Variants in ADGB observed in about 807,000 individuals in gnomAD.
The protein encoded by ADGB is calpain-7-like protein.
In ADGB, 172 loss-of-function variants were observed where a neutral mutation model predicts 210.5. The observed-to-expected ratio is 0.82, with a 90% CI of 0.72 to 0.93. The LOEUF is 0.93. Ranked by LOEUF, ADGB falls within the 40% of genes least tolerant of loss-of-function variation. ADGB has a pLI of 0.00. For missense variants in ADGB, 2,025 were observed against 1,964.8 expected (o/e 1.03, Z -0.58); for synonymous variants, 658 against 662.7 (o/e 0.99, Z 0.11).
chr6:146,690,621 T>C lies in ADGB; in HGVS notation c.1312-495T>C, dbSNP rs1034558932. ...CCTTGATTGTAATCATGTGTAATCA[T>C]GGGGATCTTATGTGGAGGAACACAT... is the stretch of plus-strand genomic sequence containing the variant. On this transcript the variant is annotated intron_variant, in intron 10 of 35. Coordinates refer to ENST00000397944, the MANE Select transcript of ADGB (RefSeq NM_024694.4). Among the ~76,000 whole-genome samples, 3 of 152,278 alleles carry C rather than the reference T, an allele frequency of 2.0e-5. No individual in the cohort carries two copies. The East Asian group carries it at 5.8e-4, about 29-fold the overall frequency.
intron 1 of ADGB, among the ~76,000 whole-genome samples, chr6:146,599,731 T>C (rs1406537534): frequency 6.6e-6 from 1 of 152,214 alleles, no homozygotes; most frequent in African/African-American, 2.4e-5. Context: ...TGTTAGGTGT[T>C]GTGTCTTAGG....
intron 25 of ADGB, among the ~76,000 whole-genome samples, chr6:146,745,348 T>G (rs147670311): frequency 5.8e-4 from 88 of 152,272 alleles, no homozygotes; most frequent in Admixed American, 2.2e-3. Flanking sequence ...ACCAAGCTCT[T>G]CCCCATCATA....
At chr6:146,702,378 A>G (rs539771513) in intron 13 of ADGB, among the ~76,000 whole-genome samples, 1 of 151,912 alleles carries the variant, frequency 6.6e-6, no homozygotes, top group Admixed American at 6.6e-5. Flanking sequence ...GTATTGACAT[A>G]TTAACCCATA....
intron 23 of ADGB, among the ~76,000 whole-genome samples, chr6:146,738,237 T>C (rs1217180176): frequency 6.6e-6 from 1 of 152,114 alleles, no homozygotes; most frequent in African/African-American, 2.4e-5. Flanking sequence ...ATGCCACATA[T>C]TGAATTATTA....
Position 146,628,679 on chromosome 6 carries a change from G to A in ADGB, c.75-6696G>A, listed in dbSNP as rs145604664. ...TCTCGTATGCTGTTCTTTTCTCCTA[G>A]TGATGCCCTTTCTTCCTTTTTTAAC... On this transcript the variant is annotated intron_variant, in intron 1 of 35. Transcript: ENST00000397944. 2.0e-4 allele frequency among the ~76,000 whole-genome samples: 31 copies of A among 151,684 alleles called. No individual in the cohort carries two copies. The South Asian group carries it at 2.1e-3, about 10-fold the overall frequency.
intron 1 of ADGB, among the ~76,000 whole-genome samples, chr6:146,600,088 A>G (rs1412393661): frequency 6.6e-6 from 1 of 152,060 alleles, no homozygotes; most frequent in Non-Finnish European, 1.5e-5. Context: ...CTTCTCCCAG[A>G]CTCATTCCCA....
chr6:146,770,227 A>G (rs9485121), intron 29 of ADGB, among the ~76,000 whole-genome samples: 27 of 152,268 alleles, frequency 1.8e-4, no homozygotes, highest in African/African-American at 5.5e-4. Flanking sequence ...GCTTGCTTCT[A>G]TTATCTGCCT....
intron 35 of ADGB, chr6:146,803,808 T>A: frequency 2.1e-6 from 1 of 480,448 alleles, no homozygotes; most frequent in Admixed American, 3.8e-5. Flanking sequence ...CCTCGGCTTC[T>A]GGGCCGAGTC....
At chr6:146,704,209 C>T (rs1776534760) in intron 13 of ADGB, among the ~76,000 whole-genome samples, 4 of 151,720 alleles carry the variant, frequency 2.6e-5, no homozygotes, top group Admixed American at 2.6e-4. Context: ...TGAATATTAA[C>T]CTCTTATCAG....
intron 27 of ADGB, among the ~76,000 whole-genome samples, chr6:146,757,102 C>G (rs1475905142): frequency 6.6e-6 from 1 of 151,970 alleles, no homozygotes; most frequent in Admixed American, 6.6e-5. Context: ...AAAGAAAACT[C>G]TTTGTATTAT....
chr6:146,614,194 TC>T (rs1780752916), intron 1 of ADGB, among the ~76,000 whole-genome samples: 8 of 90,190 alleles, frequency 8.9e-5, no homozygotes, highest in South Asian at 4.6e-4. Flanking sequence ...CCTCCCTCCC[TC>T]CCTCCCTTCC....
chr6:146,681,961 A>G (rs1017345861), intron 9 of ADGB, among the ~76,000 whole-genome samples: 3 of 152,144 alleles, frequency 2.0e-5, no homozygotes, highest in African/African-American at 7.2e-5. Context: ...ACTTGCCTGA[A>G]AAATACTGTT....
chr6:146,805,153 T>TTA (rs1778193863), intron 35 of ADGB, among the ~76,000 whole-genome samples: 1 of 152,170 alleles, frequency 6.6e-6, no homozygotes, highest in Non-Finnish European at 1.5e-5. Context: ...ACCATGATTA[T>TTA]TACAACAGGG....
intron 25 of ADGB, among the ~76,000 whole-genome samples, chr6:146,745,313 T>G (rs1038475258): frequency 2.0e-5 from 3 of 152,172 alleles, no homozygotes; most frequent in African/African-American, 7.2e-5. Context: ...CACTGACTTT[T>G]TAGTCAGCTA....
chr6:146,772,118 A>G (rs903047340), intron 29 of ADGB, among the ~76,000 whole-genome samples: 11 of 152,178 alleles, frequency 7.2e-5, no homozygotes, highest in African/African-American at 2.4e-4. Context: ...AAAACAAATA[A>G]TCTCATCATA....
At chr6:146,726,683 T>G (rs940481916) in intron 19 of ADGB, among the ~76,000 whole-genome samples, 3 of 152,222 alleles carry the variant, frequency 2.0e-5, no homozygotes, top group Non-Finnish European at 2.9e-5. Context: ...CTGAACCCTG[T>G]AGGTATACAA....
chr6:146,798,133 T>A (rs1338553356), intron 33 of ADGB, among the ~76,000 whole-genome samples: 1 of 152,178 alleles, frequency 6.6e-6, no homozygotes, highest in African/African-American at 2.4e-5. Context: ...GCTTACTTGA[T>A]AATTTGTTTC....
intron 1 of ADGB, among the ~76,000 whole-genome samples, chr6:146,623,491 A>G (rs1290596617): frequency 2.0e-5 from 3 of 151,718 alleles, no homozygotes; most frequent in Non-Finnish European, 4.4e-5. Context: ...TTTAATTTTG[A>G]ATTCTTCTTG....
chr6:146,789,629 A>G (rs575484313), intron 33 of ADGB, among the ~76,000 whole-genome samples: 2 of 152,302 alleles, frequency 1.3e-5, no homozygotes, highest in Admixed American at 6.5e-5. Context: ...TTTAACCAAT[A>G]TTTTGAAAGT....
Sources: gnomAD v4.1 joint callset for allele counts (sites outside exome capture counted in the v4.1 genomes callset) on GRCh38, gnomAD v4.1.1 for gene constraint, MANE v1.5 for transcripts, NCBI Gene and HGNC (gene_info 2026-07-23, HGNC 2026-07-21) for gene names.